CYLC1: variants seen among roughly 807,000 people sequenced by gnomAD.
CYLC1 encodes the protein cylicin-1.
CYLC1 carries 2 observed loss-of-function variants against 31.6 expected under a neutral mutation model. That is an observed-to-expected ratio of 0.06 (90% CI 0.03 to 0.20). CYLC1 has a LOEUF of 0.20. Ranked by LOEUF, CYLC1 falls within the 10% of genes least tolerant of loss-of-function variation. CYLC1 has a pLI of 1.00. For synonymous variants in CYLC1, 185 were observed against 153.0 expected (o/e 1.21, Z -1.54); for missense variants, 595 against 424.1 (o/e 1.40, Z -3.54).
Position 83,873,986 on chromosome X carries a change from A to G in CYLC1, c.1278A>G (p.Lys426=). 5.1e-6 allele frequency: 6 copies of G among 1,183,096 alleles called. No homozygotes were observed. The highest frequency in any genetic ancestry group is 5.7e-6 in the Non-Finnish European group (5 of 880,930). Residue 426 remains lysine, a synonymous_variant, in exon 4 of 5, where the codon AAA becomes AAG. Coordinates refer to ENST00000329312, the MANE Select transcript of CYLC1 (RefSeq NM_021118.3). Reference sequence around the variant, plus strand: ...GTCAGAAAGATGAAAAAAAGGATAAAAAAGATTCAAAGACAGATAATAAAA... The same window carrying G: ...GTCAGAAAGATGAAAAAAAGGATAAGAAAGATTCAAAGACAGATAATAAAA... ...KESQKDEKKD[K]KDSKTDNKKS... is the part of the protein sequence containing the mutation.
In CYLC1 at chrX:83,873,681, G is replaced by A. The variant is rs1445570079; in HGVS notation, c.973G>A (p.Asp325Asn). The change falls in exon 4 of 5, where the codon GAT (aspartate) becomes AAT (asparagine). Residue 325 changes from aspartate (D) to asparagine (N), a missense_variant. Transcript: ENST00000329312. ...TGTCAAGAAAGATGACAAGAAAAAG[G>A]ATGTAAAGAAGGACACAGAGTCTAC... ...KNVKKDDKKK[D>N]VKKDTESTDA... is the part of the protein sequence containing the mutation. The A allele has an allele frequency of 7.5e-6, 9 of 1,202,266 alleles. No individual in the cohort carries two copies. Among genetic ancestry groups the A allele is most frequent in the Admixed American group, 2.2e-5 (1 of 44,768 alleles).
chrX:83,869,528 G>A (rs1031098166), intron 1 of CYLC1, among the ~76,000 whole-genome samples: 4 of 110,562 alleles, frequency 3.6e-5, no homozygotes, highest in Non-Finnish European at 7.6e-5. Flanking sequence ...TCCATCCATA[G>A]CCCTGCAAAG....
At chrX:83,878,079 A>T (rs1413865587) in intron 4 of CYLC1, among the ~76,000 whole-genome samples, 2 of 59,459 alleles carry the variant, frequency 3.4e-5, no homozygotes, top group East Asian at 5.4e-4. Flanking sequence ...TATATATAAA[A>T]ATATATATAT....
At chrX:83,875,950 T>C in intron 4 of CYLC1, among the ~76,000 whole-genome samples, 2 of 110,560 alleles carry the variant, frequency 1.8e-5, no homozygotes, top group Middle Eastern at 4.6e-3. Flanking sequence ...TTCTCATTTT[T>C]ATTAATTTCC....
Position 83,883,984 on chromosome X carries a change from A to T in CYLC1, c.1924-2568A>T, listed in dbSNP as rs1430889994. 3.6e-5 allele frequency among the ~76,000 whole-genome samples: 4 copies of T among 111,779 alleles called. No homozygotes were observed. In the East Asian group the frequency reaches 1.1e-3, roughly 31 times the overall value. ...TGACAGAGACAATGGAGAAGTTTAT[A>T]TTCAAAAATTACCAACTAATTAAAA... On this transcript the variant is annotated intron_variant, in intron 4 of 4. Coordinates refer to ENST00000329312, the MANE Select transcript of CYLC1 (RefSeq NM_021118.3).
Position 83,869,865 on chromosome X carries a change from G to T in CYLC1, c.18G>T (p.Leu6Phe). MSLPR[L>F]LKVNIRTYDN... ...TTAAAGCATTTTCTTCTTTTAATAG[G>T]CTAAAAGTAAACATCAGAACATATG... The change falls in exon 2 of 5, where the codon TTG (leucine) becomes TTT (phenylalanine). Residue 6 changes from leucine to phenylalanine, a missense_variant and splice_region_variant. Leu to Phe is a conservative substitution (Grantham distance 22). Coordinates refer to ENST00000329312, the MANE Select transcript of CYLC1 (RefSeq NM_021118.3). 1.2e-6 allele frequency: 1 copy of T among 809,257 alleles called. No individual in the cohort carries two copies. The highest frequency in any genetic ancestry group is 1.6e-6 in the Non-Finnish European group (1 of 610,929). 66.7% of individuals were successfully genotyped at this position (809,257 alleles called of 1,213,427 possible). A position where few individuals can be genotyped will look rare whatever the true frequency, so the allele number is the denominator to read the frequency against.
At chrX:83,872,344 G>A (rs919572292) in intron 3 of CYLC1, among the ~76,000 whole-genome samples, 4 of 94,086 alleles carry the variant, frequency 4.3e-5, no homozygotes, top group African/African-American at 1.4e-4. Flanking sequence ...TTCAGTTTAT[G>A]CCTTTGTTTC....
At chrX:83,862,761 C>T (rs1219815193) in intron 1 of CYLC1, among the ~76,000 whole-genome samples, 1 of 111,365 alleles carries the variant, frequency 9.0e-6, no homozygotes, top group Non-Finnish European at 1.9e-5. Context: ...CAGCAACACC[C>T]TCTATGTCCT....
intron 4 of CYLC1, among the ~76,000 whole-genome samples, chrX:83,882,907 C>A (rs982638639): frequency 7.3e-5 from 8 of 109,954 alleles, no homozygotes; most frequent in African/African-American, 2.3e-4. Context: ...TTTAATCCAC[C>A]ATTGGGGCCT....
intron 4 of CYLC1, among the ~76,000 whole-genome samples, chrX:83,882,028 G>A (rs771248741): frequency 9.0e-6 from 1 of 111,262 alleles, no homozygotes; most frequent in Admixed American, 9.6e-5. Flanking sequence ...GAATACTGGA[G>A]TTGTTTTAAT....
At chrX:83,883,534 G>T (rs781663856) in intron 4 of CYLC1, among the ~76,000 whole-genome samples, 1 of 111,632 alleles carries the variant, frequency 9.0e-6, no homozygotes, top group South Asian at 3.7e-4. Context: ...AGCAGCTTTT[G>T]TTTTAGTTGT....
chrX:83,866,769 CA>C (rs76690875), intron 1 of CYLC1, among the ~76,000 whole-genome samples: 38,764 of 110,151 alleles, frequency 0.35, 4,777 homozygotes, highest in Middle Eastern at 0.44. Flanking sequence ...TGTCCAGCCC[CA>C]CTCAGCATTC....
At chrX:83,886,114 G>A (rs2031979838) in intron 4 of CYLC1, among the ~76,000 whole-genome samples, 1 of 111,340 alleles carries the variant, frequency 9.0e-6, no homozygotes, top group Non-Finnish European at 1.9e-5. Context: ...GGTGTAATTT[G>A]GGGTGAATAC....
chrX:83,877,886 A>ATATT (rs2031796439), intron 4 of CYLC1, among the ~76,000 whole-genome samples: 1 of 64,609 alleles, frequency 1.5e-5, no homozygotes, highest in South Asian at 8.8e-4. Flanking sequence ...TCATATATAT[A>ATATT]TATATATATA....
At chrX:83,877,050 C>T (rs1225018182) in intron 4 of CYLC1, among the ~76,000 whole-genome samples, 1 of 110,949 alleles carries the variant, frequency 9.0e-6, no homozygotes, top group African/African-American at 3.3e-5. Context: ...ATATTTTTAA[C>T]CCCACACTAA....
At position 83,886,618 on chromosome X, in the gene CYLC1, C is replaced by G. The variant is rs1469783271; in HGVS notation, c.*34C>G. The G allele has an allele frequency of 8.8e-7, 1 of 1,142,364 alleles. No individual in the cohort carries two copies. Among genetic ancestry groups the G allele is most frequent in the African/African-American group, 1.8e-5 (1 of 55,809 alleles). The allele number at this position is 1,142,364 out of a possible 1,213,427, so 94.1% of individuals were successfully genotyped here. On this transcript the variant is annotated 3_prime_UTR_variant, in exon 5 of 5. Coordinates refer to ENST00000329312, the MANE Select transcript of CYLC1 (RefSeq NM_021118.3). ...TGAGCACTTGGTTTCACAGAATGGC[C>G]TTACCACAGTAAGCACCACCTACTC...
intron 4 of CYLC1, among the ~76,000 whole-genome samples, chrX:83,886,100 G>A (rs753027681): frequency 1.8e-5 from 2 of 111,510 alleles, no homozygotes; most frequent in East Asian, 2.8e-4. Context: ...AATTGTGTTA[G>A]TGTGGTGTAA....
intron 3 of CYLC1, 110 bp downstream of exon 3, chrX:83,871,680 T>C: frequency 1.4e-6 from 1 of 738,286 alleles, no homozygotes; most frequent in Non-Finnish European, 1.9e-6. Context: ...GGAAGATATT[T>C]TTAAATTTGT....
At position 83,873,484 on chromosome X, in the gene CYLC1, T is replaced by G; in HGVS notation, c.776T>G (p.Ile259Arg). The G allele has an allele frequency of 1.7e-6, 2 of 1,191,612 alleles. No individual in the cohort carries two copies. The highest frequency in any genetic ancestry group is 2.3e-6 in the Non-Finnish European group (2 of 881,212). Residue 259 changes from isoleucine (I) to arginine (R), a missense_variant, in exon 4 of 5, where the codon ATA becomes AGA. Physicochemically the swap from Ile to Arg is moderately conservative, Grantham distance 97. Coordinates refer to ENST00000329312, the MANE Select transcript of CYLC1 (RefSeq NM_021118.3). The stretch of plus-strand genomic sequence containing the variant: ...GTGGGACAGTCTGATGATGAATCCA[T>G]AAATTTTGATGCATGGTTAAGGAAT... The part of the protein sequence containing the change: ...MLVGQSDDES[I>R]NFDAWLRNYS...
Sources: gnomAD v4.1 joint callset for allele counts (sites outside exome capture counted in the v4.1 genomes callset) on GRCh38, gnomAD v4.1.1 for gene constraint, MANE v1.5 for transcripts, NCBI Gene and HGNC (gene_info 2026-07-23, HGNC 2026-07-21) for gene names.